The following PTPRM variants were observed in gnomAD, a reference collection of about 807,000 sequenced individuals.
PTPRM encodes the protein protein tyrosine phosphatase receptor type M, also known as receptor-type tyrosine-protein phosphatase mu.
Under a neutral mutation model 186.7 loss-of-function variants are expected in PTPRM, and 47 were observed. The observed-to-expected ratio is 0.25, with a 90% CI of 0.20 to 0.32. The LOEUF is 0.32. Ranked by LOEUF, PTPRM falls within the 10% of genes least tolerant of loss-of-function variation. The pLI, the probability that PTPRM is intolerant of heterozygous loss-of-function variation, is 1.00. For synonymous variants in PTPRM, 668 were observed against 674.9 expected, an observed-to-expected ratio of 0.99 and a Z score of 0.16; for missense variants, 1,494 against 1,865.0, an observed-to-expected ratio of 0.80 and a Z score of 3.66.
chr18:8,254,106 G>A (rs1372468131), intron 19 of PTPRM, among the ~76,000 whole-genome samples: 18 of 152,204 alleles, frequency 1.2e-4, no homozygotes, highest in Admixed American at 1.1e-3. Context: ...GTCATGTGGT[G>A]GAGATCAGAC....
At chr18:7,711,290 G>A (rs992207604) in intron 1 of PTPRM, among the ~76,000 whole-genome samples, 4 of 152,182 alleles carry the variant, frequency 2.6e-5, no homozygotes, top group Non-Finnish European at 5.9e-5. Context: ...GAGGGACGGT[G>A]CACTCTGGCC....
At position 8,228,677 on chromosome 18, in the gene PTPRM, T is replaced by TA. The variant is rs55669801; in HGVS notation, c.2301-15363dup. The stretch of plus-strand genomic sequence containing the variant: ...CAACATGGTGAAACCCAAACTCTAC[T>TA]AAAAAAAAAAAAAAAAAATACAAAA... On this transcript the variant is annotated intron_variant, in intron 14 of 32. Coordinates refer to ENST00000580170, the MANE Select transcript of PTPRM (RefSeq NM_001105244.2). 9.5e-3 allele frequency among the ~76,000 whole-genome samples: 1,239 copies of TA among 130,592 alleles called. 11 individuals are homozygous for TA. The highest frequency in any genetic ancestry group is 0.021 in the African/African-American group (759 of 36,066). 85.7% of individuals were successfully genotyped at this position (130,592 alleles called of 152,430 possible). A position where few individuals can be genotyped will look rare whatever the true frequency, so the allele number is the denominator to read the frequency against.
chr18:8,265,334 G>A (rs2147547073), intron 19 of PTPRM, among the ~76,000 whole-genome samples: 1 of 152,280 alleles, frequency 6.6e-6, no homozygotes, highest in South Asian at 2.1e-4. Flanking sequence ...CCGCCATCCT[G>A]GCTCATCTGA....
intron 4 of PTPRM, among the ~76,000 whole-genome samples, chr18:7,924,502 T>A (rs1465654859): frequency 6.6e-6 from 1 of 152,186 alleles, no homozygotes; most frequent in Non-Finnish European, 1.5e-5. Context: ...CCTAAAATTA[T>A]AATGATTATA....
rs771306913 is a variant in PTPRM at position 7,817,548 on chromosome 18, A to G, written c.196+43277A>G. On this transcript the variant is annotated intron_variant, in intron 2 of 32. Coordinates refer to ENST00000580170, the MANE Select transcript of PTPRM (RefSeq NM_001105244.2). ...GGATAAAATATAAAATGTGTTTTTT[A>G]TAATTACAAAAGGGTTCCTAGCTTT... is the stretch of plus-strand genomic sequence containing the variant. 3.0e-4 allele frequency among the ~76,000 whole-genome samples: 46 copies of G among 152,336 alleles called. No homozygotes were observed. In the Middle Eastern group the frequency reaches 0.01, roughly 34 times the overall value.
At position 8,240,827 on chromosome 18, in the gene PTPRM, A is replaced by G. The variant is rs1261937434; in HGVS notation, c.2301-3231A>G. On this transcript the variant is annotated intron_variant, in intron 14 of 32. Transcript: ENST00000580170. ...GAGAGAGAGAGAGAGAGAGAGAGAG[A>G]AAGAAAGAAAGAAAGAAAAGAAAGA... Among the ~76,000 whole-genome samples, 3 of 23,176 alleles carry G rather than the reference A, an allele frequency of 1.3e-4. No individual in the cohort carries two copies. In the East Asian group the frequency reaches 2.8e-3, roughly 22 times the overall value. The allele number at this position is 23,176 out of a possible 152,430, so 15.2% of individuals were successfully genotyped here. A position where few individuals can be genotyped will look rare whatever the true frequency, so the allele number is the denominator to read the frequency against.
chr18:8,391,540 A>G (rs575564412), intron 31 of PTPRM, among the ~76,000 whole-genome samples: 1 of 152,342 alleles, frequency 6.6e-6, no homozygotes, highest in South Asian at 2.1e-4. Context: ...AACAGGCAAA[A>G]ACAATTGATG....
chr18:8,290,979 G>A (rs1040779530), intron 19 of PTPRM, among the ~76,000 whole-genome samples: 2 of 152,052 alleles, frequency 1.3e-5, no homozygotes, highest in African/African-American at 4.8e-5. Flanking sequence ...TTGCCTAAAT[G>A]TGCATATTAT....
At chr18:7,774,519 A>C (rs558691302) in intron 2 of PTPRM, among the ~76,000 whole-genome samples, 1 of 152,320 alleles carries the variant, frequency 6.6e-6, no homozygotes, top group Non-Finnish European at 1.5e-5. Context: ...AGTGGGCATT[A>C]CCCAGTTGAT....
At chr18:8,404,275 G>A (rs1205257089) in intron 32 of PTPRM, 2 of 152,218 alleles carry the variant, frequency 1.3e-5, no homozygotes, top group South Asian at 4.1e-4. Flanking sequence ...TAATCTCATG[G>A]CACCGTCAGT....
intron 13 of PTPRM, among the ~76,000 whole-genome samples, chr18:8,122,986 T>C (rs73387791): frequency 0.025 from 3,765 of 152,274 alleles, 138 homozygotes; most frequent in African/African-American, 0.086. Context: ...TGGCTTAGAG[T>C]CATGGAGTTG....
chr18:8,158,420 T>A (rs989762778), intron 14 of PTPRM, among the ~76,000 whole-genome samples: 1 of 152,222 alleles, frequency 6.6e-6, no homozygotes, highest in Non-Finnish European at 1.5e-5. Flanking sequence ...CTTGGGATGA[T>A]CGTTTAAACT....
chr18:7,980,937 G>A (rs1326511996), intron 7 of PTPRM, among the ~76,000 whole-genome samples: 5 of 152,158 alleles, frequency 3.3e-5, no homozygotes, highest in African/African-American at 7.2e-5. Context: ...TTGAGCCATC[G>A]AAGGCACTCT....
At chr18:7,893,151 T>C (rs534847376) in intron 3 of PTPRM, among the ~76,000 whole-genome samples, 22 of 152,358 alleles carry the variant, frequency 1.4e-4, no homozygotes, top group Non-Finnish European at 2.4e-4. Flanking sequence ...AATGGAAATA[T>C]ACAGGAAAAG....
rs542127837 is a variant in PTPRM at position 8,092,119 on chromosome 18, C to G, written c.1856+3268C>G. 2.6e-5 allele frequency among the ~76,000 whole-genome samples: 4 copies of G among 152,140 alleles called. No homozygotes were observed. In the South Asian group the frequency reaches 8.3e-4, roughly 32 times the overall value. ...AATTCAGTCGAATTTCGTTTATGCA[C>G]TTCACTAAGTAAGGTGGTCATGTAT... On this transcript the variant is annotated intron_variant, in intron 11 of 32. Coordinates refer to ENST00000580170, the MANE Select transcript of PTPRM (RefSeq NM_001105244.2).
rs116466106 is a variant in PTPRM, at chr18:7,567,502, G to C, written c.-317G>C. On this transcript the variant is annotated 5_prime_UTR_variant, in exon 1 of 33. Transcript: ENST00000580170. This position sits in a 1 kb window ranked among gnomAD's most constrained non-coding sequence, Gnocchi z 4.3. Reference sequence around the variant, plus strand: ...GTCCCGGGTCCCGGGCAGGGGAAGGGGAGAGGCGGCGAGCTCAGCAACCGG... The same window carrying C: ...GTCCCGGGTCCCGGGCAGGGGAAGGCGAGAGGCGGCGAGCTCAGCAACCGG... 0.035 allele frequency: 8,877 copies of C among 251,950 alleles called. 297 individuals carry two copies. The highest frequency in any genetic ancestry group is 0.1 in the African/African-American group (4,423 of 44,440). 15.6% of individuals were successfully genotyped at this position (251,950 alleles called of 1,614,324 possible).
At chr18:7,896,783 G>T (rs1388091681) in intron 3 of PTPRM, among the ~76,000 whole-genome samples, 1 of 152,134 alleles carries the variant, frequency 6.6e-6, no homozygotes, top group Non-Finnish European at 1.5e-5. Flanking sequence ...GGGGAGAGGG[G>T]CACTAAACCA....
At chr18:8,001,084 C>G (rs923984542) in intron 7 of PTPRM, among the ~76,000 whole-genome samples, 1 of 152,162 alleles carries the variant, frequency 6.6e-6, no homozygotes, top group Admixed American at 6.5e-5. Context: ...GAGTGAGCAA[C>G]TGCAGCTTTG....
At chr18:7,907,291 A>T (rs2050037177) in intron 4 of PTPRM, among the ~76,000 whole-genome samples, 1 of 152,184 alleles carries the variant, frequency 6.6e-6, no homozygotes, top group Non-Finnish European at 1.5e-5. Flanking sequence ...TATGGTTTCT[A>T]GTCTGCACAC....
Sources: gnomAD v4.1 joint callset for allele counts (sites outside exome capture counted in the v4.1 genomes callset) on GRCh38, gnomAD v4.1.1 for gene constraint, Gnocchi (gnomAD v3.1) non-coding constraint, MANE v1.5 for transcripts, NCBI Gene and HGNC (gene_info 2026-07-23, HGNC 2026-07-21) for gene names.